The following CTXND1 variants were observed in gnomAD, a reference collection of about 807,000 sequenced individuals.
CTXND1 encodes cortexin domain-containing 1 protein.
intron 1 of CTXND1, among the ~76,000 whole-genome samples, chr15:80,241,220 G>C (rs1250217677): frequency 1.3e-5 from 2 of 152,152 alleles, no homozygotes; most frequent in Non-Finnish European, 2.9e-5. Flanking sequence ...TGACTCCCTA[G>C]ACCACTCTCC....
At chr15:80,203,055 C>T (rs1459060643) in intron 2 of CTXND1, among the ~76,000 whole-genome samples, 4 of 152,164 alleles carry the variant, frequency 2.6e-5, no homozygotes, top group African/African-American at 9.7e-5. Flanking sequence ...ATGCACAGTC[C>T]CTGGCTCCAG....
At chr15:80,241,847 A>C (rs1010814822) in intron 1 of CTXND1, among the ~76,000 whole-genome samples, 1 of 152,234 alleles carries the variant, frequency 6.6e-6, no homozygotes, top group African/African-American at 2.4e-5. Context: ...AAGCAGAAAT[A>C]CCAAAGTCCA....
chr15:80,204,632 G>A (rs1360799324), intron 1 of CTXND1, among the ~76,000 whole-genome samples: 3 of 117,734 alleles, frequency 2.5e-5, no homozygotes, highest in East Asian at 2.6e-4. Context: ...TTTAAGGTCC[G>A]AATAATATTC....
At chr15:80,242,364 C>T (rs1020066741) in intron 1 of CTXND1, among the ~76,000 whole-genome samples, 3 of 152,218 alleles carry the variant, frequency 2.0e-5, no homozygotes, top group Admixed American at 6.5e-5. Flanking sequence ...AGTTAAACAA[C>T]GTGGAAGCCT....
At chr15:80,234,129 C>T (rs1393201692) in intron 1 of CTXND1, among the ~76,000 whole-genome samples, 3 of 152,286 alleles carry the variant, frequency 2.0e-5, no homozygotes, top group East Asian at 1.9e-4. Context: ...CCTTTGTGTG[C>T]AGAGCATCAT....
intron 1 of CTXND1, among the ~76,000 whole-genome samples, chr15:80,249,783 C>T (rs530379441): frequency 1.1e-4 from 17 of 152,348 alleles, no homozygotes; most frequent in African/African-American, 3.8e-4. Context: ...CGCTGACTCT[C>T]TGATTGTAGA....
Position 80,235,205 on chromosome 15 carries a change from G to A in CTXND1, c.-218+16802C>T, listed in dbSNP as rs542328214. ...AGCAGATGGAAAACTGGCCTCCTGT[G>A]TTCCTCTGTTCAAGATGTCCTATGC... On this transcript the variant is annotated intron_variant, in intron 1 of 2. Coordinates refer to ENST00000560778, the MANE Select transcript of CTXND1 (RefSeq NM_001352888.2). 9.2e-5 allele frequency among the ~76,000 whole-genome samples: 14 copies of A among 152,296 alleles called. No individual in the cohort carries two copies. The East Asian group carries it at 2.7e-3, about 29-fold the overall frequency.
At position 80,197,911 on chromosome 15, in the gene CTXND1, A is replaced by G. The variant is rs187177878; in HGVS notation, c.*3859T>C. 9.2e-5 allele frequency: 14 copies of G among 152,378 alleles called. No individual in the cohort carries two copies. The highest frequency in any genetic ancestry group is 3.1e-4 in the African/African-American group (13 of 41,590). The allele number at this position is 152,378 out of a possible 1,614,324, so 9.4% of individuals were successfully genotyped here. A position where few individuals can be genotyped will look rare whatever the true frequency, so the allele number is the denominator to read the frequency against. ...AGGGAGACACTGATCTTTCAACTCG[A>G]TAAGAACATGTAGACATTTCAGCAA... On this transcript the variant is annotated 3_prime_UTR_variant, in exon 3 of 3. Coordinates refer to ENST00000560778, the MANE Select transcript of CTXND1 (RefSeq NM_001352888.2).
At chr15:80,208,913 C>T (rs565802358) in intron 1 of CTXND1, among the ~76,000 whole-genome samples, 2 of 152,302 alleles carry the variant, frequency 1.3e-5, no homozygotes, top group South Asian at 4.1e-4. Flanking sequence ...AGTCATTTAG[C>T]GGCTGCTAGA....
At chr15:80,228,657 T>A (rs574945309) in intron 1 of CTXND1, among the ~76,000 whole-genome samples, 1 of 109,004 alleles carries the variant, frequency 9.2e-6, no homozygotes, top group Non-Finnish European at 1.9e-5. Flanking sequence ...GGAGACACAG[T>A]CTTGCTCTGT....
chr15:80,236,874 T>C (rs1391932735), intron 1 of CTXND1, among the ~76,000 whole-genome samples: 1 of 152,148 alleles, frequency 6.6e-6, no homozygotes, highest in African/African-American at 2.4e-5. Flanking sequence ...GTGCAATGTA[T>C]TACTCACGTG....
chr15:80,243,195 C>T (rs1893590124), intron 1 of CTXND1, among the ~76,000 whole-genome samples: 1 of 152,150 alleles, frequency 6.6e-6, no homozygotes, highest in South Asian at 2.1e-4. Context: ...TCAGGGTCTC[C>T]TACAGGGCCT....
chr15:80,236,452 A>G (rs1208129498), intron 1 of CTXND1, among the ~76,000 whole-genome samples: 1 of 152,200 alleles, frequency 6.6e-6, no homozygotes, highest in Non-Finnish European at 1.5e-5. Flanking sequence ...GTAATGCATA[A>G]TGATGTTTCC....
chr15:80,198,084 T>G lies in CTXND1; in HGVS notation c.*3686A>C, dbSNP rs1288527690. The G allele has an allele frequency of 6.6e-6, 1 of 152,240 alleles. No homozygotes were observed. 9.4% of individuals were successfully genotyped at this position (152,240 alleles called of 1,614,324 possible). A position where few individuals can be genotyped will look rare whatever the true frequency, so the allele number is the denominator to read the frequency against. On this transcript the variant is annotated 3_prime_UTR_variant, in exon 3 of 3. Coordinates refer to ENST00000560778, the MANE Select transcript of CTXND1 (RefSeq NM_001352888.2). Reference sequence around the variant, plus strand: ...ATCACTCTGAACTCTTGGTTCTGCATATTTCTGCTACCCCACTTGTCTCTG... The same window carrying G: ...ATCACTCTGAACTCTTGGTTCTGCAGATTTCTGCTACCCCACTTGTCTCTG...
rs1044769057 is a variant in CTXND1, at chr15:80,199,500, G to A, written c.*2270C>T. 1.3e-5 allele frequency: 2 copies of A among 152,226 alleles called. No individual in the cohort carries two copies. The highest frequency in any genetic ancestry group is 2.9e-5 in the Non-Finnish European group (2 of 68,070). 9.4% of individuals were successfully genotyped at this position (152,226 alleles called of 1,614,324 possible). A position where few individuals can be genotyped will look rare whatever the true frequency, so the allele number is the denominator to read the frequency against. ...CTAGTTTGCATTGTAAATGCATGCT[G>A]ATGAGCTTTTCACAGAAATGCCTGG... is the stretch of plus-strand genomic sequence containing the variant. On this transcript the variant is annotated 3_prime_UTR_variant, in exon 3 of 3. Transcript: ENST00000560778.
intron 1 of CTXND1, among the ~76,000 whole-genome samples, chr15:80,223,698 CA>C (rs2142131439): frequency 6.6e-6 from 1 of 152,186 alleles, no homozygotes; most frequent in South Asian, 2.1e-4. Flanking sequence ...TCTGCATCCT[CA>C]TCAGCACTTG....
chr15:80,196,670 C>T lies in CTXND1; in HGVS notation c.*5100G>A, dbSNP rs1049888789. 3 of 152,180 alleles carry T rather than the reference C, an allele frequency of 2.0e-5. No individual in the cohort carries two copies. The highest frequency in any genetic ancestry group is 7.2e-5 in the African/African-American group (3 of 41,424). The allele number at this position is 152,180 out of a possible 1,614,324, so 9.4% of individuals were successfully genotyped here. A position where few individuals can be genotyped will look rare whatever the true frequency, so the allele number is the denominator to read the frequency against. On this transcript the variant is annotated 3_prime_UTR_variant, in exon 3 of 3. Coordinates refer to ENST00000560778, the MANE Select transcript of CTXND1 (RefSeq NM_001352888.2). ...TGCCGGGGACAAAATATTTTTCTCC[C>T]ATCTAAGCAAAGTTTGTGAATGGCT...
chr15:80,239,137 G>A (rs1015834814), intron 1 of CTXND1, among the ~76,000 whole-genome samples: 4 of 152,126 alleles, frequency 2.6e-5, no homozygotes, highest in South Asian at 2.1e-4. Context: ...ACCTACTCAC[G>A]CCAGCCCTGG....
At chr15:80,218,134 T>C (rs1893272993) in intron 1 of CTXND1, among the ~76,000 whole-genome samples, 1 of 152,188 alleles carries the variant, frequency 6.6e-6, no homozygotes, top group East Asian at 1.9e-4. Flanking sequence ...ATTATCTGCT[T>C]ATTAGTATAT....
Sources: allele counts gnomAD v4.1 joint callset (sites outside exome capture counted in the v4.1 genomes callset), GRCh38; gene constraint gnomAD v4.1.1; transcripts MANE v1.5; gene names NCBI Gene and HGNC (gene_info 2026-07-23, HGNC 2026-07-21).